KAT7: variants seen among roughly 807,000 people sequenced by gnomAD.
The protein encoded by KAT7 is histone acetyltransferase KAT7.
KAT7 carries 10 observed loss-of-function variants against 82.1 expected under a neutral mutation model. The observed-to-expected ratio is 0.12, with a 90% CI of 0.08 to 0.21. The LOEUF (loss-of-function observed/expected upper bound fraction) is 0.21, where lower values mean the gene tolerates loss of function less well. KAT7 is among the 10% of genes least tolerant of loss of function. KAT7 has a pLI of 1.00. For synonymous variants in KAT7, 250 were observed against 262.5 expected (o/e 0.95, Z 0.46); for missense variants, 378 against 760.9 (o/e 0.50, Z 5.92).
intron 2 of KAT7, chr17:49,795,565 G>A (rs985728320): frequency 1.2e-5 from 3 of 240,528 alleles, no homozygotes; most frequent in African/African-American, 6.9e-5. Flanking sequence ...CTCCAACCAA[G>A]TGAATAAGTT....
intron 7 of KAT7, 169 bp from the exon 8 acceptor site, chr17:49,815,634 G>T (rs1249303254): frequency 1.5e-5 from 7 of 476,086 alleles, no homozygotes; most frequent in East Asian, 3.2e-5. Flanking sequence ...GAGTCTTGTG[G>T]CATTAACCTG....
chr17:49,791,379 C>T (rs1291522468), intron 1 of KAT7, among the ~76,000 whole-genome samples: 1 of 152,064 alleles, frequency 6.6e-6, no homozygotes, highest in Non-Finnish European at 1.5e-5. Flanking sequence ...TCTTCATGGC[C>T]GGGTGTGGTG....
chr17:49,830,191 TTTTTTTTTTTTTTTTTTAA>T lies in KAT7; in HGVS notation c.*2690_*2708del, dbSNP rs2074412559. On this transcript the variant is annotated 3_prime_UTR_variant, in exon 15 of 15. Coordinates refer to ENST00000259021, the MANE Select transcript of KAT7 (RefSeq NM_007067.5). ...CTGCACCCGACCTATTTTTTTTTTTTTTTTTTTTTTTTTTTTTAAAAAAAGACAGTCTCACTCTATCATC... is the reference window on the plus strand; with the variant it reads ...CTGCACCCGACCTATTTTTTTTTTTTAAAAAGACAGTCTCACTCTATCATC... 7.3e-6 allele frequency: 1 copy of T among 136,068 alleles called. No individual in the cohort carries two copies. The highest frequency in any genetic ancestry group is 7.2e-5 in the Admixed American group (1 of 13,894). The allele number at this position is 136,068 out of a possible 1,614,324, so 8.4% of individuals were successfully genotyped here.
intron 5 of KAT7, among the ~76,000 whole-genome samples, chr17:49,805,889 T>C (rs2074085894): frequency 6.6e-6 from 1 of 152,210 alleles, no homozygotes; most frequent in African/African-American, 2.4e-5. Context: ...TCCATTTCTG[T>C]GAAATACTTT....
chr17:49,822,704 A>G (rs1443254835), intron 11 of KAT7, among the ~76,000 whole-genome samples: 3 of 152,054 alleles, frequency 2.0e-5, no homozygotes, highest in African/African-American at 4.8e-5. Context: ...AATCACTCCT[A>G]TTTCTACTCA....
At chr17:49,798,646 T>C in intron 4 of KAT7, 88 bp downstream of exon 4, 1 of 1,381,722 alleles carries the variant, frequency 7.2e-7, no homozygotes, top group Non-Finnish European at 9.9e-7. Flanking sequence ...CTGTTGGGAT[T>C]TAGCTTCTTA....
chr17:49,814,268 T>A (rs1044733575), intron 7 of KAT7, among the ~76,000 whole-genome samples: 6 of 152,106 alleles, frequency 3.9e-5, no homozygotes, highest in Non-Finnish European at 7.4e-5. Context: ...CAATGTAAGA[T>A]GGGTTGTGGG....
At chr17:49,811,607 A>AT (rs749080096) in intron 7 of KAT7, 33 bp downstream of exon 7, 6 of 1,080,190 alleles carry the variant, frequency 5.6e-6, no homozygotes, top group Admixed American at 5.4e-5. Context: ...ATGAGCATGA[A>AT]CTCCTGCTAT....
chr17:49,818,679 G>A (rs891402509), intron 9 of KAT7, among the ~76,000 whole-genome samples: 1 of 151,756 alleles, frequency 6.6e-6, no homozygotes, highest in Non-Finnish European at 1.5e-5. Flanking sequence ...CTGCCATGGA[G>A]CAAGGGTGCG....
At chr17:49,800,010 C>CTTTT (rs10694119) in intron 4 of KAT7, among the ~76,000 whole-genome samples, 14 of 98,436 alleles carry the variant, frequency 1.4e-4, no homozygotes, top group South Asian at 3.7e-4. Context: ...GTTTCCTGGC[C>CTTTT]TTTTTTTTTT....
intron 2 of KAT7, 34 bp from the exon 3 acceptor site, chr17:49,796,716 T>G: frequency 1.3e-6 from 2 of 1,511,936 alleles, no homozygotes; most frequent in Non-Finnish European, 1.8e-6. Flanking sequence ...GATTTCCATC[T>G]TTTTTCTTTA....
intron 4 of KAT7, among the ~76,000 whole-genome samples, chr17:49,802,396 G>C (rs534030231): frequency 6.6e-6 from 1 of 152,080 alleles, no homozygotes; most frequent in Non-Finnish European, 1.5e-5. Flanking sequence ...GCCTGGGTGC[G>C]GTGGCTCATG....
In KAT7 at chr17:49,795,084, C is replaced by T. The variant is rs769098789; in HGVS notation, c.164-1666C>T. ...GGCTGACACCGCGCCCTGGCCTGTG[C>T]ATCCCGCCCTCTGAAAAAAAAATTA... On this transcript the variant is annotated intron_variant, in intron 2 of 14. Coordinates refer to ENST00000259021, the MANE Select transcript of KAT7 (RefSeq NM_007067.5). Among the ~76,000 whole-genome samples the T allele has an allele frequency of 1.7e-4, 25 of 151,312 alleles. 1 individual carries two copies. Among genetic ancestry groups the T allele is most frequent in the Non-Finnish European group, 3.4e-4 (23 of 67,914 alleles).
At chr17:49,813,741 A>G (rs1036527746) in intron 7 of KAT7, among the ~76,000 whole-genome samples, 23 of 152,340 alleles carry the variant, frequency 1.5e-4, no homozygotes, top group African/African-American at 5.5e-4. Context: ...GGATGTGCCC[A>G]GGTTATATGC....
chr17:49,805,647 G>A (rs1256412297), intron 5 of KAT7, among the ~76,000 whole-genome samples: 1 of 152,192 alleles, frequency 6.6e-6, no homozygotes, highest in African/African-American at 2.4e-5. Context: ...TATGTAATGA[G>A]TGCTTTGAGA....
At position 49,817,989 on chromosome 17, in the gene KAT7, A is replaced by T. The variant is rs1211760137; in HGVS notation, c.1133A>T (p.Gln378Leu). 6.2e-7 allele frequency: 1 copy of T among 1,613,718 alleles called. No individual in the cohort carries two copies. The highest frequency in any genetic ancestry group is 1.3e-5 in the African/African-American group (1 of 74,912). The stretch of plus-strand genomic sequence containing the variant: ...TTCTGTTTAAAATATATGAAGAGCC[A>T]AACGATACTCCGCCGGCACATGGTG... ...CEFCLKYMKS[Q>L]TILRRHMAKC... Residue 378 changes from glutamine to leucine, a missense_variant, in exon 9 of 15, where the codon CAA becomes CTA. Physicochemically the swap from Gln to Leu is moderately radical, Grantham distance 113. Coordinates refer to ENST00000259021, the MANE Select transcript of KAT7 (RefSeq NM_007067.5).
At chr17:49,797,438 A>G (rs1433384600) in intron 3 of KAT7, among the ~76,000 whole-genome samples, 1 of 152,170 alleles carries the variant, frequency 6.6e-6, no homozygotes, top group African/African-American at 2.4e-5. Flanking sequence ...AGTATATTAA[A>G]TCGTACCTGT....
intron 9 of KAT7, among the ~76,000 whole-genome samples, chr17:49,818,714 G>A (rs1414607198): frequency 6.7e-6 from 1 of 149,646 alleles, no homozygotes; most frequent in Non-Finnish European, 1.5e-5. Flanking sequence ...GTAGAGATTA[G>A]CCTTTCAGGC....
intron 12 of KAT7, chr17:49,823,578 A>G (rs2074332273): frequency 3.2e-6 from 1 of 311,788 alleles, no homozygotes; most frequent in South Asian, 4.0e-5. Context: ...AACAGCACAT[A>G]CATGCATGAG....
Sources: gnomAD v4.1 joint callset for allele counts (sites outside exome capture counted in the v4.1 genomes callset) on GRCh38, gnomAD v4.1.1 for gene constraint, MANE v1.5 for transcripts, NCBI Gene and HGNC (gene_info 2026-07-23, HGNC 2026-07-21) for gene names.